The following CPA6 variants were observed in gnomAD, a reference collection of about 807,000 sequenced individuals.
The protein encoded by CPA6 is carboxypeptidase B.
Under a neutral mutation model 63.3 loss-of-function variants are expected in CPA6, and 58 were observed. That is an observed-to-expected ratio of 0.92 (90% CI 0.74 to 1.14). The LOEUF (loss-of-function observed/expected upper bound fraction) is 1.14. CPA6 is among the 50% of genes most tolerant of loss of function. The probability of loss-of-function intolerance (pLI) is 0.00; values close to 1 mark genes in which losing one functional copy is unlikely to be tolerated. For missense variants in CPA6, 565 were observed against 526.6 expected (o/e 1.07, Z -0.71); for synonymous variants, 185 against 179.0 (o/e 1.03, Z -0.27).
At chr8:67,513,305 A>G (rs1248703076) in intron 3 of CPA6, among the ~76,000 whole-genome samples, 1 of 152,202 alleles carries the variant, frequency 6.6e-6, no homozygotes, top group Admixed American at 6.5e-5. Context: ...ATGAACCTCC[A>G]TGTCAATTTT....
At chr8:67,599,466 C>A (rs918739394) in intron 2 of CPA6, among the ~76,000 whole-genome samples, 14 of 152,284 alleles carry the variant, frequency 9.2e-5, no homozygotes, top group East Asian at 1.9e-4. Context: ...ACCCGCCTAG[C>A]CAGAGTCTTG....
chr8:67,441,292 T>G (rs1351875214), intron 8 of CPA6, among the ~76,000 whole-genome samples: 3 of 152,188 alleles, frequency 2.0e-5, no homozygotes, highest in African/African-American at 7.2e-5. Context: ...AAAGAATGCC[T>G]GACTATTAGA....
chr8:67,522,019 C>T (rs1298080954), intron 2 of CPA6, among the ~76,000 whole-genome samples: 2 of 152,102 alleles, frequency 1.3e-5, no homozygotes, highest in African/African-American at 4.8e-5. Context: ...AGACAAATTC[C>T]TAGGCAGACA....
At chr8:67,467,959 G>A (rs2128958299) in intron 8 of CPA6, among the ~76,000 whole-genome samples, 1 of 151,156 alleles carries the variant, frequency 6.6e-6, no homozygotes, top group East Asian at 2.0e-4. Context: ...TTGGGAGGCT[G>A]AGGCAGGAGA....
chr8:67,524,651 G>A (rs1587521595), intron 2 of CPA6, among the ~76,000 whole-genome samples: 2 of 150,386 alleles, frequency 1.3e-5, no homozygotes, highest in East Asian at 3.9e-4. Context: ...ACATTCACAG[G>A]TCTTGAATGT....
intron 2 of CPA6, among the ~76,000 whole-genome samples, chr8:67,602,144 G>A (rs1222019009): frequency 6.6e-6 from 1 of 151,964 alleles, no homozygotes; most frequent in African/African-American, 2.4e-5. Flanking sequence ...AAAGGGAGAA[G>A]ACAAATATAT....
At chr8:67,663,869 G>A (rs888558613) in intron 1 of CPA6, among the ~76,000 whole-genome samples, 2 of 152,022 alleles carry the variant, frequency 1.3e-5, no homozygotes, top group Admixed American at 1.3e-4. Context: ...ATAATGTTTT[G>A]TGCTACTAAA....
chr8:67,495,706 G>A (rs1045470784), intron 6 of CPA6, among the ~76,000 whole-genome samples: 2 of 151,008 alleles, frequency 1.3e-5, no homozygotes, highest in African/African-American at 4.9e-5. Flanking sequence ...CTCTTTTTTT[G>A]AGACAAGATC....
At chr8:67,607,185 T>C (rs551733592) in intron 2 of CPA6, among the ~76,000 whole-genome samples, 1 of 32,746 alleles carries the variant, frequency 3.1e-5, no homozygotes, top group Non-Finnish European at 6.0e-5. Flanking sequence ...TTCTTCTTCT[T>C]CTTCTTCTTC....
chr8:67,436,000 G>A (rs1351352757), intron 8 of CPA6, among the ~76,000 whole-genome samples: 3 of 151,142 alleles, frequency 2.0e-5, no homozygotes, highest in Admixed American at 6.6e-5. Flanking sequence ...GGGGGAGGGC[G>A]TAAGGTGGGG....
intron 8 of CPA6, among the ~76,000 whole-genome samples, chr8:67,458,210 T>A (rs1587447991): frequency 1.4e-5 from 2 of 147,862 alleles, no homozygotes; most frequent in African/African-American, 5.3e-5. Flanking sequence ...TTATTTATTT[T>A]TTTTGAGATG....
chr8:67,573,465 C>T (rs1210397071), intron 2 of CPA6, among the ~76,000 whole-genome samples: 1 of 152,116 alleles, frequency 6.6e-6, no homozygotes, highest in African/African-American at 2.4e-5. Flanking sequence ...AGTGGCATTT[C>T]TCTACATTCA....
chr8:67,626,343 A>G (rs1401683765), intron 1 of CPA6, among the ~76,000 whole-genome samples: 1 of 152,126 alleles, frequency 6.6e-6, no homozygotes, highest in Non-Finnish European at 1.5e-5. Flanking sequence ...ATTTCCAATC[A>G]TGATAGTTTT....
chr8:67,607,980 A>C (rs911432650), intron 2 of CPA6, among the ~76,000 whole-genome samples: 1 of 151,650 alleles, frequency 6.6e-6, no homozygotes, highest in Admixed American at 6.6e-5. Context: ...GCTTTCCTCT[A>C]TGGAGTGATT....
rs771536150 is a variant in CPA6 at position 67,422,607 on chromosome 8, T to C, written c.1211A>G (p.Tyr404Cys). ...AFAFELRDTG[Y>C]FGFLLPEMLI... is the part of the protein sequence containing the mutation. ...CATCTCTGGGAGTAAAAATCCAAAA[T>C]ATCCAGTGTCACGTAGTTCGAAAGC... is the stretch of plus-strand genomic sequence containing the variant. The change falls in exon 11 of 11, where the codon TAT becomes TGT. Residue 404 changes from tyrosine to cysteine, a missense_variant. Physicochemically the swap from Tyr to Cys is radical, Grantham distance 194. Coordinates refer to ENST00000297770, the MANE Select transcript of CPA6 (RefSeq NM_020361.5). The C allele has an allele frequency of 5.0e-6, 8 of 1,613,884 alleles. No individual in the cohort carries two copies. The highest frequency in any genetic ancestry group is 1.6e-4 in the Middle Eastern group (1 of 6,084).
chr8:67,424,971 T>G (rs1041272016), intron 10 of CPA6, among the ~76,000 whole-genome samples: 1 of 152,216 alleles, frequency 6.6e-6, no homozygotes, highest in African/African-American at 2.4e-5. Flanking sequence ...GGGCTGTATC[T>G]GATCCTACCA....
In CPA6 at chr8:67,475,860, TTTC is replaced by T. The variant is rs1563967798; in HGVS notation, c.838+7905_838+7907del. Among the ~76,000 whole-genome samples the T allele has an allele frequency of 2.1e-3, 206 of 99,354 alleles. 2 individuals are homozygous for T. The highest frequency in any genetic ancestry group is 3.1e-3 in the African/African-American group (74 of 23,728). The allele number at this position is 99,354 out of a possible 152,430, so 65.2% of individuals were successfully genotyped here. ...CTTTCTTTCTTTCTTTCTTTCTTTC[TTTC>T]TTTCTTTCTTTCTTTCTCCTTTCTT... On this transcript the variant is annotated intron_variant, in intron 8 of 10. Transcript: ENST00000297770.
chr8:67,561,532 G>T (rs963872478), intron 2 of CPA6, among the ~76,000 whole-genome samples: 4 of 152,144 alleles, frequency 2.6e-5, no homozygotes, highest in African/African-American at 9.7e-5. Context: ...GAAAGAGCTG[G>T]CATGAAATCT....
chr8:67,655,479 T>C (rs1563379463), intron 1 of CPA6, among the ~76,000 whole-genome samples: 1 of 152,280 alleles, frequency 6.6e-6, no homozygotes, highest in East Asian at 1.9e-4. Flanking sequence ...CTTCTTGAGA[T>C]TAATCCTAAA....
Sources: allele counts gnomAD v4.1 joint callset (sites outside exome capture counted in the v4.1 genomes callset), GRCh38; gene constraint gnomAD v4.1.1; transcripts MANE v1.5; gene names NCBI Gene and HGNC (gene_info 2026-07-23, HGNC 2026-07-21).